The following BANP variants were observed in gnomAD, a reference collection of about 807,000 sequenced individuals.
BANP encodes protein BANP.
Under a neutral mutation model 68.1 loss-of-function variants are expected in BANP, and 11 were observed. The observed-to-expected ratio is 0.16, with a 90% confidence interval of 0.10 to 0.27. BANP has a LOEUF of 0.27. BANP is among the 10% of genes least tolerant of loss of function. BANP has a pLI of 1.00. For synonymous variants in BANP, 329 were observed against 303.2 expected, an observed-to-expected ratio of 1.09 and a Z score of -0.88; for missense variants, 504 against 722.7, an observed-to-expected ratio of 0.70 and a Z score of 3.47.
intron 1 of BANP, among the ~76,000 whole-genome samples, chr16:87,961,175 T>G (rs1174167469): frequency 1.3e-5 from 2 of 152,210 alleles, no homozygotes; most frequent in African/African-American, 4.8e-5. Flanking sequence ...CAGTTCACAT[T>G]CCATATTGCA....
chr16:87,989,505 A>G (rs1428156609), intron 4 of BANP, among the ~76,000 whole-genome samples: 1 of 152,284 alleles, frequency 6.6e-6, no homozygotes, highest in African/African-American at 2.4e-5. Flanking sequence ...TGGTGTAAAC[A>G]GGATGCAGCA....
chr16:88,066,321 A>T (rs543506591), intron 12 of BANP, among the ~76,000 whole-genome samples: 16 of 152,154 alleles, frequency 1.1e-4, no homozygotes, highest in Non-Finnish European at 2.4e-4. Flanking sequence ...TGAGGCTGAC[A>T]TTACCAGCAG....
intron 2 of BANP, among the ~76,000 whole-genome samples, chr16:87,979,511 G>A (rs918075630): frequency 1.3e-5 from 2 of 152,128 alleles, no homozygotes; most frequent in Non-Finnish European, 2.9e-5. Context: ...GATTTCCCTG[G>A]TGGAGGTGGC....
Position 87,963,060 on chromosome 16 carries a change from G to A in BANP, c.-69+11545G>A, listed in dbSNP as rs117999775. Among the ~76,000 whole-genome samples, 47 of 152,286 alleles carry A rather than the reference G, an allele frequency of 3.1e-4. 1 individual carries two copies. The East Asian group carries it at 8.1e-3, about 26-fold the overall frequency. The stretch of plus-strand genomic sequence containing the variant: ...TTAGCTTTTTACCAGGTACCACTTA[G>A]TCTCATCTTTAAGTGGGAGTTCCTG... On this transcript the variant is annotated intron_variant, in intron 1 of 13. Transcript: ENST00000682872.
At position 88,003,105 on chromosome 16, in the gene BANP, A is replaced by G. The variant is rs1256306212; in HGVS notation, c.363-1190A>G. Among the ~76,000 whole-genome samples the G allele has an allele frequency of 3.3e-5, 5 of 152,248 alleles. No homozygotes were observed. The South Asian group carries it at 8.3e-4, about 25-fold the overall frequency. Reference sequence around the variant, plus strand: ...AGCCTGTAGGTGACTGTGGTGACCAAGCCAAAAGCCACCTGGGTTACTTTC... The same window carrying G: ...AGCCTGTAGGTGACTGTGGTGACCAGGCCAAAAGCCACCTGGGTTACTTTC... On this transcript the variant is annotated intron_variant, in intron 4 of 13. Coordinates refer to ENST00000682872, the MANE Select transcript of BANP (RefSeq NM_001386991.1). This position sits in a 1 kb window ranked among gnomAD's most constrained non-coding sequence, Gnocchi z 6.1.
intron 7 of BANP, among the ~76,000 whole-genome samples, chr16:88,019,354 GATGTAAA>G (rs1370538323): frequency 1.3e-5 from 2 of 152,100 alleles, no homozygotes; most frequent in Non-Finnish European, 2.9e-5. Context: ...TTCTAACGAA[GATGTAAA>G]GTGAAGCAGC....
Position 87,975,069 on chromosome 16 carries a change from T to G in BANP, c.-47T>G. On this transcript the variant is annotated 5_prime_UTR_variant, in exon 2 of 14. Coordinates refer to ENST00000682872, the MANE Select transcript of BANP (RefSeq NM_001386991.1). ...GTAGGTGACCAAAAGCCAGCCCCAC[T>G]GTGAGTTGAACTCTTTCGTGTTGAC... 1 of 1,563,984 alleles carries G rather than the reference T, an allele frequency of 6.4e-7. No homozygotes were observed.
intron 2 of BANP, chr16:87,978,511 A>T: frequency 2.4e-6 from 1 of 425,218 alleles, no homozygotes; most frequent in South Asian, 1.7e-5. Flanking sequence ...TTGACTAACC[A>T]CAGGCACTTG....
intron 12 of BANP, among the ~76,000 whole-genome samples, chr16:88,067,732 C>G (rs1253129251): frequency 2.0e-5 from 3 of 152,288 alleles, no homozygotes; most frequent in African/African-American, 4.8e-5. Flanking sequence ...GCCGGCTGCC[C>G]CAGTCCTGGT....
At chr16:88,055,842 A>G (rs2084864140) in intron 11 of BANP, among the ~76,000 whole-genome samples, 1 of 152,214 alleles carries the variant, frequency 6.6e-6, no homozygotes, top group Non-Finnish European at 1.5e-5. Flanking sequence ...ACACAAGCAG[A>G]AATCTTGGAG....
At chr16:88,051,327 G>T (rs1181896794) in intron 11 of BANP, among the ~76,000 whole-genome samples, 1 of 152,246 alleles carries the variant, frequency 6.6e-6, no homozygotes, top group Admixed American at 6.5e-5. Flanking sequence ...GCAGGGTGTG[G>T]GTGGGGTACG....
At chr16:87,987,575 A>G (rs73242985) in intron 4 of BANP, among the ~76,000 whole-genome samples, 1,724 of 151,888 alleles carry the variant, frequency 0.011, 36 homozygotes, top group African/African-American at 0.039. Context: ...AAAATAAAAA[A>G]AATTAGCTGG....
At chr16:88,009,476 A>C (rs527257746) in intron 6 of BANP, among the ~76,000 whole-genome samples, 1 of 152,252 alleles carries the variant, frequency 6.6e-6, no homozygotes, top group Non-Finnish European at 1.5e-5. Context: ...TTTTGTATCA[A>C]ATTTGGAGTC....
At position 88,006,072 on chromosome 16, in the gene BANP, GT is replaced by G. The variant is rs763095742; in HGVS notation, c.480-10del. ...GGCTCTTACCACATCGGGCTGGTGT[GT>G]TTTTTTTCCCGTTTAGCGCTGTGCC... On this transcript the variant is annotated splice_polypyrimidine_tract_variant and intron_variant, in intron 5 of 13. Transcript: ENST00000682872. The G allele has an allele frequency of 3.7e-6, 6 of 1,612,838 alleles. No individual in the cohort carries two copies. The highest frequency in any genetic ancestry group is 2.2e-5 in the East Asian group (1 of 44,854).
chr16:87,974,849 C>G (rs550627063), intron 1 of BANP, among the ~76,000 whole-genome samples, 199 bp from the exon 2 acceptor site: 1 of 152,190 alleles, frequency 6.6e-6, no homozygotes, highest in African/African-American at 2.4e-5. Flanking sequence ...AGGAAAGAGG[C>G]AGCGGGTGGC....
At chr16:88,042,530 C>G (rs971067988) in intron 11 of BANP, among the ~76,000 whole-genome samples, 5 of 152,266 alleles carry the variant, frequency 3.3e-5, no homozygotes, top group Admixed American at 3.3e-4. Context: ...GGTGCACATG[C>G]TGTCGTGCCC....
Position 88,076,734 on chromosome 16 carries a change from G to A in BANP, c.*73G>A. 7.7e-7 allele frequency: 1 copy of A among 1,299,660 alleles called. No individual in the cohort carries two copies. The highest frequency in any genetic ancestry group is 1.1e-6 in the Non-Finnish European group (1 of 949,032). The allele number at this position is 1,299,660 out of a possible 1,614,324, so 80.5% of individuals were successfully genotyped here. ...CGGCCCCCACGCGCCCTGCTCTCAC[G>A]GCCTCGGCACAGGCAGCGGCTGCAC... is the stretch of plus-strand genomic sequence containing the variant. On this transcript the variant is annotated 3_prime_UTR_variant, in exon 14 of 14. Transcript: ENST00000682872.
At chr16:88,049,024 C>T (rs1412871470) in intron 11 of BANP, among the ~76,000 whole-genome samples, 2 of 152,158 alleles carry the variant, frequency 1.3e-5, no homozygotes, top group East Asian at 1.9e-4. Context: ...CCATCATCAA[C>T]ACACAAAAAG....
chr16:88,041,694 G>C (rs1555613740), intron 11 of BANP, among the ~76,000 whole-genome samples: 1 of 152,236 alleles, frequency 6.6e-6, no homozygotes, highest in East Asian at 1.9e-4. Context: ...GCATCCTCTG[G>C]TTCTTTGCCA....
Sources: gnomAD v4.1 joint callset for allele counts (sites outside exome capture counted in the v4.1 genomes callset) on GRCh38, gnomAD v4.1.1 for gene constraint, Gnocchi (gnomAD v3.1) non-coding constraint, MANE v1.5 for transcripts, NCBI Gene and HGNC (gene_info 2026-07-23, HGNC 2026-07-21) for gene names.